Variants in F5 observed in about 807,000 individuals in gnomAD.
F5 encodes the protein coagulation factor V, also known as activated protein c cofactor.
Under a neutral mutation model 216.4 loss-of-function variants are expected in F5, and 138 were observed. The ratio of observed to expected loss-of-function variants is 0.64; its 90% CI spans 0.56 to 0.73. The LOEUF (loss-of-function observed/expected upper bound fraction) is 0.73, where lower values mean the gene tolerates loss of function less well. Among genes scored for constraint, F5 ranks in the 30% least tolerant of loss-of-function variants. F5 has a pLI of 0.00. For missense variants in F5, 2,403 were observed against 2,674.0 expected, an observed-to-expected ratio of 0.90 and a Z score of 2.24; for synonymous variants, 916 against 930.7, an observed-to-expected ratio of 0.98 and a Z score of 0.29.
rs1308804315 is a variant in F5 at position 169,544,363 on chromosome 1, C to A, written c.1908G>T (p.Arg636Ser). ...GGAAGAGGGTCAAGGTGTCCTCATG[C>A]CTCTTTCCATAGATGAATGAGTGCC... ...FTGHSFIYGKRHEDTLTLFPM... is the reference protein window; with the variant it reads ...FTGHSFIYGKSHEDTLTLFPM... The change falls in exon 12 of 25, where the codon AGG (arginine) becomes AGT (serine). Residue 636 changes from arginine to serine, a missense_variant. Around this residue, in one of 4 missense-constraint regions of F5, gnomAD observed 1,425 missense variants for 1,554.8 expected, o/e 0.92. Coordinates refer to ENST00000367797, the MANE Select transcript of F5 (RefSeq NM_000130.5). The A allele has an allele frequency of 1.3e-5, 21 of 1,614,094 alleles. 1 individual carries two copies. In the South Asian group the frequency reaches 2.1e-4, roughly 16 times the overall value.
chr1:169,584,389 A>C (rs934078954), intron 1 of F5, among the ~76,000 whole-genome samples: 1 of 152,246 alleles, frequency 6.6e-6, no homozygotes, highest in African/African-American at 2.4e-5. Context: ...AAATCATATA[A>C]AGCTAGAACC....
chr1:169,558,529 C>G (rs1278172464), intron 5 of F5, among the ~76,000 whole-genome samples: 1 of 152,008 alleles, frequency 6.6e-6, no homozygotes, highest in East Asian at 1.9e-4. Flanking sequence ...TAATGTTTTT[C>G]CCTCAGGCTA....
intron 19 of F5, 116 bp from the exon 20 acceptor site, chr1:169,524,020 G>T (rs1659372280): frequency 4.7e-6 from 4 of 856,606 alleles, no homozygotes; most frequent in Non-Finnish European, 5.8e-6. Flanking sequence ...TTGTAGTCAG[G>T]AGTCTAGGCA....
At chr1:169,575,243 A>G (rs1159728512) in intron 2 of F5, among the ~76,000 whole-genome samples, 2 of 152,190 alleles carry the variant, frequency 1.3e-5, no homozygotes, top group African/African-American at 2.4e-5. Flanking sequence ...GCGTGCGCAA[A>G]GGCCCTGAGG....
chr1:169,525,822 T>C (rs1023700581), intron 18 of F5, 79 bp downstream of exon 18: 5 of 1,014,034 alleles, frequency 4.9e-6, no homozygotes, highest in Non-Finnish European at 6.3e-6. Flanking sequence ...GAGTTGAATA[T>C]TTCCAATCTA....
Position 169,514,393 on chromosome 1 carries a change from T to C in F5, c.6595A>G (p.Arg2199Gly), listed in dbSNP as rs755983488. 1 of 1,613,332 alleles carries C rather than the reference T, an allele frequency of 6.2e-7. No individual in the cohort carries two copies. Among genetic ancestry groups the C allele is most frequent in the Non-Finnish European group, 8.5e-7 (1 of 1,179,502 alleles). Reference protein sequence around the residue: ...KNFFNPPIISRFIRVIPKTWN... With the variant: ...KNFFNPPIISGFIRVIPKTWN... ...GTTTTAGGAATGACACGGATAAACCTGGAAATGATTGGGGGGTTGAAAAAG... is the reference window on the plus strand; with the variant it reads ...GTTTTAGGAATGACACGGATAAACCCGGAAATGATTGGGGGGTTGAAAAAG... The change falls in exon 25 of 25, where the codon AGG (arginine) becomes GGG (glycine). Residue 2199 changes from arginine (R) to glycine (G), a missense_variant. Arg to Gly is a moderately radical substitution (Grantham distance 125). Coordinates refer to ENST00000367797, the MANE Select transcript of F5 (RefSeq NM_000130.5).
chr1:169,521,416 T>TAGAGA (rs1659303179), intron 21 of F5, among the ~76,000 whole-genome samples: 1 of 152,100 alleles, frequency 6.6e-6, no homozygotes, highest in African/African-American at 2.4e-5. Flanking sequence ...AATCCCTTCT[T>TAGAGA]AGGTGGCAAT....
At chr1:169,517,752 C>T (rs1659192486) in intron 23 of F5, among the ~76,000 whole-genome samples, 1 of 152,078 alleles carries the variant, frequency 6.6e-6, no homozygotes, top group South Asian at 2.1e-4. Context: ...GGTTTTGCAA[C>T]ATTTTACTAT....
chr1:169,541,981 GCTT>G lies in F5; in HGVS notation c.3106_3108del (p.Lys1036del). On this transcript the variant is annotated inframe_deletion, in exon 13 of 25. Transcript: ENST00000367797. ...GGAGATAAAGGAGCATGGTGTGTGT[GCTT>G]CTCTTTTTTCTTTTTTCGTGTCTTA... 3.1e-6 allele frequency: 5 copies of G among 1,614,008 alleles called. No individual in the cohort carries two copies. Among genetic ancestry groups the G allele is most frequent in the Non-Finnish European group, 3.4e-6 (4 of 1,180,002 alleles).
intron 14 of F5, among the ~76,000 whole-genome samples, chr1:169,533,900 C>T (rs1388253210): frequency 6.6e-6 from 1 of 151,926 alleles, no homozygotes; most frequent in Non-Finnish European, 1.5e-5. Flanking sequence ...TGTCTTATGC[C>T]CAATTTCTGC....
chr1:169,537,136 T>G (rs1163323334), intron 13 of F5, among the ~76,000 whole-genome samples: 2 of 152,190 alleles, frequency 1.3e-5, no homozygotes, highest in Non-Finnish European at 2.9e-5. Context: ...GGTAAGCACA[T>G]TATCTGACAC....
intron 3 of F5, among the ~76,000 whole-genome samples, chr1:169,565,656 G>A (rs1660582716): frequency 6.6e-6 from 1 of 152,082 alleles, no homozygotes; most frequent in Admixed American, 6.6e-5. Context: ...GTTAACAACA[G>A]GACCAAACTC....
rs762931699 is a variant in F5 at position 169,523,879 on chromosome 1, T to C, written c.5814A>G (p.Arg1938=). 6.2e-7 allele frequency: 1 copy of C among 1,613,810 alleles called. No homozygotes were observed. Among genetic ancestry groups the C allele is most frequent in the East Asian group, 2.2e-5 (1 of 44,868 alleles). The change falls in exon 20 of 25, where the codon AGA becomes AGG. Residue 1938 remains arginine (R), a synonymous_variant. Coordinates refer to ENST00000367797, the MANE Select transcript of F5 (RefSeq NM_000130.5). ...FLGYWEPRLA[R]LNNGGSYNAW... is the part of the protein sequence containing the mutation. Reference sequence around the variant, plus strand: ...CATTATAAGATCCACCATTGTTTAATCTTGCTAATCTGGGCTCCCAGTAAC... The same window carrying C: ...CATTATAAGATCCACCATTGTTTAACCTTGCTAATCTGGGCTCCCAGTAAC...
At position 169,529,760 on chromosome 1, in the gene F5, A is replaced by G; in HGVS notation, c.5267T>C (p.Leu1756Pro). The G allele has an allele frequency of 6.2e-7, 1 of 1,613,798 alleles. No individual in the cohort carries two copies. The highest frequency in any genetic ancestry group is 1.1e-5 in the South Asian group (1 of 91,080). The stretch of plus-strand genomic sequence containing the variant: ...CATAGGCATGTTGCTGTCCTTATGT[A>G]GTATTCCTTTTTGGCAGATTAGGAG... ...GPLLICQKGI[L>P]HKDSNMPMDM... Residue 1756 changes from leucine to proline, a missense_variant, in exon 16 of 25, where the codon CTA becomes CCA. By Grantham distance (98) the Leu-to-Pro change is moderately conservative. Transcript: ENST00000367797.
chr1:169,542,131 G>T lies in F5; in HGVS notation c.2959C>A (p.Pro987Thr). Residue 987 changes from proline (P) to threonine (T), a missense_variant, in exon 13 of 25, where the codon CCT becomes ACT. Physicochemically the swap from Pro to Thr is conservative, Grantham distance 38. Coordinates refer to ENST00000367797, the MANE Select transcript of F5 (RefSeq NM_000130.5). ...NASRAWGEST[P>T]LANKPGKQSG... ...TGCTTTCCAGGCTTGTTGGCAAGAG[G>T]GGTGCTTTCTCCCCAAGCACGTGAG... The T allele has an allele frequency of 6.2e-7, 1 of 1,614,032 alleles. No homozygotes were observed. Among genetic ancestry groups the T allele is most frequent in the African/African-American group, 1.3e-5 (1 of 75,016 alleles).
At chr1:169,561,349 G>A (rs1660481999) in intron 3 of F5, among the ~76,000 whole-genome samples, 1 of 151,992 alleles carries the variant, frequency 6.6e-6, no homozygotes, top group African/African-American at 2.4e-5. Flanking sequence ...AATATGAAAT[G>A]TGTCCATCCC....
chr1:169,512,865 C>G lies in F5; in HGVS notation c.*1448G>C, dbSNP rs1296532572. 1.3e-5 allele frequency among the ~76,000 whole-genome samples: 2 copies of G among 152,050 alleles called. No individual in the cohort carries two copies. Among genetic ancestry groups the G allele is most frequent in the African/African-American group, 4.8e-5 (2 of 41,430 alleles). On this transcript the variant is annotated 3_prime_UTR_variant, in exon 25 of 25. Transcript: ENST00000367797. ...CTGGTATGTGGTCCTTATGCAGTTC[C>G]CTTCTACACTGAATCGAGACTGGCC...
chr1:169,515,641 A>C lies in F5; in HGVS notation c.6346-15T>G, dbSNP rs1276474134. The C allele has an allele frequency of 1.2e-6, 2 of 1,611,354 alleles. No homozygotes were observed. Among genetic ancestry groups the C allele is most frequent in the South Asian group, 2.2e-5 (2 of 91,070 alleles). On this transcript the variant is annotated splice_polypyrimidine_tract_variant and intron_variant, in intron 23 of 24. Coordinates refer to ENST00000367797, the MANE Select transcript of F5 (RefSeq NM_000130.5). Reference sequence around the variant, plus strand: ...TTGTTGTTTGCCTATGAAAATGACAAAAACACATAGATAAGGAAGATGTTA... The same window carrying C: ...TTGTTGTTTGCCTATGAAAATGACACAAACACATAGATAAGGAAGATGTTA...
Position 169,512,334 on chromosome 1 carries a change from A to AT in F5, c.*1978dup, listed in dbSNP as rs1175267161. 1.3e-5 allele frequency among the ~76,000 whole-genome samples: 2 copies of AT among 151,958 alleles called. No homozygotes were observed. The highest frequency in any genetic ancestry group is 2.9e-5 in the Non-Finnish European group (2 of 67,976). The stretch of plus-strand genomic sequence containing the variant: ...TCCCTACCCCCCATTATTTCATAAG[A>AT]TTTTCTTGCCCCTATTATGCCTTAG... On this transcript the variant is annotated 3_prime_UTR_variant, in exon 25 of 25. Transcript: ENST00000367797.
Sources: allele counts gnomAD v4.1 joint callset (sites outside exome capture counted in the v4.1 genomes callset), GRCh38; gene constraint gnomAD v4.1.1; regional missense constraint gnomAD v4.1.1; transcripts MANE v1.5; gene names NCBI Gene and HGNC (gene_info 2026-07-23, HGNC 2026-07-21).